The following JAG1 variants were observed in gnomAD, a reference collection of about 807,000 sequenced individuals.
The protein encoded by JAG1 is jagged canonical Notch ligand 1, also known as protein jagged-1.
JAG1 carries 23 observed loss-of-function variants against 148.7 expected under a neutral mutation model. The ratio of observed to expected loss-of-function variants is 0.15; its 90% CI spans 0.11 to 0.22. JAG1 has a LOEUF of 0.22. JAG1 is among the 10% of genes least tolerant of loss of function. The pLI, the probability that JAG1 is intolerant of heterozygous loss-of-function variation, is 1.00. For missense variants in JAG1, 1,054 were observed against 1,611.2 expected, an observed-to-expected ratio of 0.65 and a Z score of 5.92; for synonymous variants, 572 against 598.3, an observed-to-expected ratio of 0.96 and a Z score of 0.64.
In JAG1 at chr20:10,639,949, A is replaced by C; in HGVS notation, c.3206T>G (p.Leu1069Arg). ...RRPLKNRTDFLVPLLSSVLTV... is the reference protein window; with the variant it reads ...RRPLKNRTDFRVPLLSSVLTV... ...TAAGACAGAGCTCAGCAAGGGAACA[A>C]GGAAATCTGTAAGGCAGGCACAAAA... Residue 1069 changes from leucine (L) to arginine (R), a missense_variant, in exon 26 of 26, where the codon CTT (leucine) becomes CGT (arginine). By Grantham distance (102) the Leu-to-Arg change is moderately radical. Transcript: ENST00000254958. The C allele has an allele frequency of 6.2e-7, 1 of 1,613,824 alleles. No individual in the cohort carries two copies. The highest frequency in any genetic ancestry group is 8.5e-7 in the Non-Finnish European group (1 of 1,179,722).
chr20:10,655,781 C>A (rs2067374767), intron 5 of JAG1, among the ~76,000 whole-genome samples: 1 of 152,142 alleles, frequency 6.6e-6, no homozygotes, highest in African/African-American at 2.4e-5. Flanking sequence ...CCAAAACCCG[C>A]CATCGTGAAG....
At chr20:10,650,144 G>A (rs980803764) in intron 9 of JAG1, 103 bp downstream of exon 9, 7 of 739,154 alleles carry the variant, frequency 9.5e-6, no homozygotes, top group Non-Finnish European at 1.7e-5. Flanking sequence ...TAGCATGATG[G>A]AGTGTGAACT....
Position 10,645,294 on chromosome 20 carries a change from C to T in JAG1, c.2114-38G>A, listed in dbSNP as rs753829605. 2 of 1,606,520 alleles carry T rather than the reference C, an allele frequency of 1.2e-6. No individual in the cohort carries two copies. Among genetic ancestry groups the T allele is most frequent in the Non-Finnish European group, 1.7e-6 (2 of 1,173,166 alleles). On this transcript the variant is annotated intron_variant, in intron 16 of 25. Transcript: ENST00000254958. The surrounding 1 kb of genome is among the most constrained non-coding windows in gnomAD (Gnocchi z 6.1). ...ATTTCAGTGTGAGTCCCAGTGGCCCCCTCCCACAGAAGACAGAGGGAAGGG... is the reference window on the plus strand; with the variant it reads ...ATTTCAGTGTGAGTCCCAGTGGCCCTCTCCCACAGAAGACAGAGGGAAGGG...
chr20:10,651,056 C>A (rs2067342522), intron 8 of JAG1: 1 of 158,964 alleles, frequency 6.3e-6, no homozygotes, highest in South Asian at 1.8e-4. Flanking sequence ...GGCTGCACTG[C>A]AGAATTCCAG....
intron 2 of JAG1, among the ~76,000 whole-genome samples, chr20:10,668,146 C>T (rs1044315833): frequency 4.1e-5 from 6 of 147,836 alleles, no homozygotes; most frequent in Non-Finnish European, 3.0e-5. Flanking sequence ...GTGGTCCATG[C>T]GGTAATCAGA....
rs577656334 is a variant in JAG1 at position 10,656,421 on chromosome 20, A to C, written c.732T>G (p.Ser244=). 60 of 1,614,082 alleles carry C rather than the reference A, an allele frequency of 3.7e-5. 1 individual carries two copies. In the South Asian group the frequency reaches 6.1e-4, roughly 17 times the overall value. The change falls in exon 5 of 26, where the codon TCT becomes TCG. Residue 244 remains serine, a synonymous_variant. Transcript: ENST00000254958. The stretch of plus-strand genomic sequence containing the variant: ...ACCTGCAGTCACCTGGGAGTTTGCA[A>C]GACCCATGCTTAGGACTGCAGCCTT... ...CRQGCSPKHG[S]CKLPGDCRCQ...
At chr20:10,663,609 CACTT>C (rs1316504368) in intron 3 of JAG1, among the ~76,000 whole-genome samples, 2 of 152,204 alleles carry the variant, frequency 1.3e-5, no homozygotes, top group African/African-American at 2.4e-5. Context: ...ATTAAACACT[CACTT>C]AAAGTTTAAA....
Position 10,664,589 on chromosome 20 carries a change from T to C in JAG1, c.388-575A>G, listed in dbSNP as rs577940226. On this transcript the variant is annotated intron_variant, in intron 2 of 25. Transcript: ENST00000254958. ...GGCTCCCACAAGTATCGGGTAACTC[T>C]AGGAAACAGGAGGGGGTAGATGCAA... Among the ~76,000 whole-genome samples, 4 of 152,082 alleles carry C rather than the reference T, an allele frequency of 2.6e-5. No homozygotes were observed. The South Asian group carries it at 8.3e-4, about 32-fold the overall frequency.
intron 21 of JAG1, 105 bp from the exon 22 acceptor site, chr20:10,641,997 G>A (rs2067275894): frequency 1.2e-6 from 1 of 805,654 alleles, no homozygotes; most frequent in South Asian, 1.4e-5. Context: ...CCTTTGCCAT[G>A]TTAAGATCAT....
intron 21 of JAG1, 90 bp downstream of exon 21, chr20:10,642,398 A>T: frequency 1.3e-6 from 1 of 756,126 alleles, no homozygotes. Flanking sequence ...TTCCCTGAGC[A>T]CAGTGGCTTA....
intron 3 of JAG1, 36 bp from the exon 4 acceptor site, chr20:10,658,758 A>G (rs1319365387): frequency 6.2e-7 from 1 of 1,611,356 alleles, no homozygotes; most frequent in Admixed American, 1.7e-5. Context: ...TAATATTCAC[A>G]TTGCAGCCTT....
chr20:10,671,786 C>T (rs551829227), intron 2 of JAG1, among the ~76,000 whole-genome samples: 79 of 152,314 alleles, frequency 5.2e-4, no homozygotes, highest in Non-Finnish European at 1.0e-3. Flanking sequence ...TGGGATGTTG[C>T]AAGGGCCTCG....
intron 3 of JAG1, 90 bp from the exon 4 acceptor site, chr20:10,658,812 C>T: frequency 7.3e-7 from 1 of 1,377,656 alleles, no homozygotes; most frequent in Non-Finnish European, 1.0e-6. Context: ...ACATATGCAC[C>T]TGCTACAAAA....
Position 10,645,897 on chromosome 20 carries a change from T to C in JAG1, c.1999+74A>G. The stretch of plus-strand genomic sequence containing the variant: ...CAGAGATTTCCAGTACAAAGAAAGT[T>C]TTCCCACGTTGAAGTGGGATCCCTC... On this transcript the variant is annotated intron_variant, in intron 15 of 25. Transcript: ENST00000254958. The surrounding 1 kb of genome is among the most constrained non-coding windows in gnomAD (Gnocchi z 6.1). The C allele has an allele frequency of 9.7e-7, 1 of 1,030,550 alleles. No individual in the cohort carries two copies. Among genetic ancestry groups the C allele is most frequent in the South Asian group, 1.3e-5 (1 of 79,542 alleles). The allele number at this position is 1,030,550 out of a possible 1,614,324, so 63.8% of individuals were successfully genotyped here.
In JAG1 at chr20:10,639,216, G is replaced by T. The variant is rs1332508648; in HGVS notation, c.*282C>A. On this transcript the variant is annotated 3_prime_UTR_variant, in exon 26 of 26. Coordinates refer to ENST00000254958, the MANE Select transcript of JAG1 (RefSeq NM_000214.3). The stretch of plus-strand genomic sequence containing the variant: ...AGAAGTGGGAGCTCAAAGACCAGGG[G>T]GCTGGGCAGGCTCCTGGGAGCCTGA... 1.0e-5 allele frequency: 5 copies of T among 476,864 alleles called. No homozygotes were observed. Among genetic ancestry groups the T allele is most frequent in the Non-Finnish European group, 1.5e-5 (4 of 258,668 alleles). 29.5% of individuals were successfully genotyped at this position (476,864 alleles called of 1,614,324 possible). A position where few individuals can be genotyped will look rare whatever the true frequency, so the allele number is the denominator to read the frequency against.
At chr20:10,668,899 T>C (rs2067475451) in intron 2 of JAG1, among the ~76,000 whole-genome samples, 1 of 152,150 alleles carries the variant, frequency 6.6e-6, no homozygotes, top group South Asian at 2.1e-4. Context: ...AAAAACATCT[T>C]AAGTCCCTGT....
At chr20:10,649,737 C>T (rs568147000) in intron 9 of JAG1, 102 bp from the exon 10 acceptor site, 1 of 732,300 alleles carries the variant, frequency 1.4e-6, no homozygotes, top group African/African-American at 1.7e-5. Flanking sequence ...AGACATGAGA[C>T]ATTTTAATAA....
intron 21 of JAG1, 126 bp from the exon 22 acceptor site, chr20:10,642,018 G>A: frequency 4.0e-6 from 3 of 743,656 alleles, no homozygotes; most frequent in South Asian, 2.9e-5. Flanking sequence ...TCTTCCCACA[G>A]TAACAGCATG....
chr20:10,665,258 C>T (rs553921513), intron 2 of JAG1, among the ~76,000 whole-genome samples: 1 of 152,344 alleles, frequency 6.6e-6, no homozygotes, highest in East Asian at 1.9e-4. Context: ...CTCAGAGTGA[C>T]ACAGCAGGTC....
Sources: allele counts gnomAD v4.1 joint callset (sites outside exome capture counted in the v4.1 genomes callset), GRCh38; gene constraint gnomAD v4.1.1; non-coding constraint Gnocchi (gnomAD v3.1); transcripts MANE v1.5; gene names NCBI Gene and HGNC (gene_info 2026-07-23, HGNC 2026-07-21).